SUCO: variants seen among roughly 807,000 people sequenced by gnomAD.
The protein encoded by SUCO is SUN domain-containing ossification factor.
Under a neutral mutation model 148.1 loss-of-function variants are expected in SUCO, and 57 were observed. The observed-to-expected ratio is 0.38, with a 90% CI of 0.31 to 0.48. The LOEUF (loss-of-function observed/expected upper bound fraction) is 0.48. Ranked by LOEUF, SUCO falls within the 20% of genes least tolerant of loss-of-function variation. The pLI, the probability that SUCO is intolerant of heterozygous loss-of-function variation, is 0.96. For synonymous variants in SUCO, 470 were observed against 502.7 expected (o/e 0.93, Z 0.87); for missense variants, 1,331 against 1,468.2 (o/e 0.91, Z 1.53).
At chr1:172,608,013 T>C (rs1466828674) in intron 22 of SUCO, 2 of 858,974 alleles carry the variant, frequency 2.3e-6, no homozygotes, top group East Asian at 1.2e-4. Context: ...TAAAGTCTCA[T>C]AGCCTTTTAA....
At chr1:172,569,909 A>C in intron 7 of SUCO, 138 bp from the exon 8 acceptor site, 2 of 815,202 alleles carry the variant, frequency 2.5e-6, no homozygotes, top group Non-Finnish European at 3.3e-6. Context: ...TGAATTTTTA[A>C]AATATTCTCT....
chr1:172,595,576 C>T (rs1005165270), intron 19 of SUCO, among the ~76,000 whole-genome samples: 1 of 152,176 alleles, frequency 6.6e-6, no homozygotes, highest in Non-Finnish European at 1.5e-5. Flanking sequence ...GTTGAAAATT[C>T]CTTTCTTTAA....
chr1:172,608,625 T>C, intron 22 of SUCO, 122 bp from the exon 23 acceptor site: 1 of 755,596 alleles, frequency 1.3e-6, no homozygotes, highest in Non-Finnish European at 2.3e-6. Flanking sequence ...ACAAATTCAT[T>C]GGTTCTATTA....
chr1:172,551,587 C>T lies in SUCO; in HGVS notation c.138C>T (p.Asn46=). 3 of 1,609,438 alleles carry T rather than the reference C, an allele frequency of 1.9e-6. No individual in the cohort carries two copies. The highest frequency in any genetic ancestry group is 2.2e-5 in the South Asian group (2 of 90,462). The part of the protein sequence containing the change: ...SASSYYSQDD[N]CALENEDVQF... ...CATCATATTACTCTCAAGATGACAA[C>T]TGCGCACTAGAAAATGAAGATGTAC... The change falls in exon 2 of 24, where the codon AAC becomes AAT. Residue 46 remains asparagine, a synonymous_variant. Coordinates refer to ENST00000263688, the MANE Select transcript of SUCO (RefSeq NM_014283.5).
At chr1:172,542,819 T>C (rs1483475713) in intron 1 of SUCO, 2 of 985,144 alleles carry the variant, frequency 2.0e-6, no homozygotes, top group Non-Finnish European at 2.4e-6. Flanking sequence ...AGGAGGAAAC[T>C]GGAAAGGATG....
chr1:172,568,305 T>TTCCCCCC, intron 6 of SUCO: 8 of 905,982 alleles, frequency 8.8e-6, no homozygotes, highest in Non-Finnish European at 1.1e-5. Flanking sequence ...ATTCTTTGCT[T>TTCCCCCC]CCCACCCACC....
At chr1:172,557,890 A>C in intron 6 of SUCO, 96 bp downstream of exon 6, 1 of 992,810 alleles carries the variant, frequency 1.0e-6, no homozygotes, top group Non-Finnish European at 1.4e-6. Flanking sequence ...ATTTGTCATA[A>C]AATCAGGGAG....
rs758073893 is a variant in SUCO, at chr1:172,589,314, C to T, written c.2213C>T (p.Thr738Ile). 1.9e-6 allele frequency: 3 copies of T among 1,613,224 alleles called. No homozygotes were observed. The highest frequency in any genetic ancestry group is 1.1e-5 in the South Asian group (1 of 90,986). The change falls in exon 18 of 24, where the codon ACC becomes ATC. Residue 738 changes from threonine (T) to isoleucine (I), a missense_variant. Transcript: ENST00000263688. ...TLSQSLLLDI[T>I]PEINPLPKIE... ...TCTCAGTCTCTTCTTTTAGATATTACCCCAGAAATCAATCCCTTGCCTAAA... is the reference window on the plus strand; with the variant it reads ...TCTCAGTCTCTTCTTTTAGATATTATCCCAGAAATCAATCCCTTGCCTAAA...
At chr1:172,600,637 A>G (rs1394688567) in intron 20 of SUCO, among the ~76,000 whole-genome samples, 1 of 152,172 alleles carries the variant, frequency 6.6e-6, no homozygotes, top group African/African-American at 2.4e-5. Flanking sequence ...GAATACATTT[A>G]GTAAATAAAT....
intron 1 of SUCO, among the ~76,000 whole-genome samples, chr1:172,545,901 C>T (rs756270284): frequency 4.6e-5 from 7 of 152,034 alleles, no homozygotes; most frequent in Non-Finnish European, 1.0e-4. Flanking sequence ...TCTGTCCGTC[C>T]GTCCGTCCTT....
rs1240401159 is a variant in SUCO at position 172,589,956 on chromosome 1, G to A, written c.2825+30G>A. 16 of 1,485,580 alleles carry A rather than the reference G, an allele frequency of 1.1e-5. No homozygotes were observed. In the South Asian group the frequency reaches 2.1e-4, roughly 20 times the overall value. The allele number at this position is 1,485,580 out of a possible 1,614,324, so 92.0% of individuals were successfully genotyped here. On this transcript the variant is annotated intron_variant, in intron 18 of 23. Transcript: ENST00000263688. The stretch of plus-strand genomic sequence containing the variant: ...GCTTTATTATGAATTAGCACAGTCA[G>A]CTTCACACAGTGAGTTAAGCAGCAT...
intron 22 of SUCO, among the ~76,000 whole-genome samples, chr1:172,605,078 A>C (rs2149272622): frequency 6.6e-6 from 1 of 151,950 alleles, no homozygotes; most frequent in South Asian, 2.1e-4. Flanking sequence ...TATGGATTAT[A>C]ACCCCCATTA....
At position 172,610,481 on chromosome 1, in the gene SUCO, AT is replaced by A; in HGVS notation, c.*226del. The A allele has an allele frequency of 1.9e-6, 1 of 533,096 alleles. No homozygotes were observed. The highest frequency in any genetic ancestry group is 2.9e-6 in the Non-Finnish European group (1 of 349,428). The allele number at this position is 533,096 out of a possible 1,614,324, so 33.0% of individuals were successfully genotyped here. On this transcript the variant is annotated 3_prime_UTR_variant, in exon 24 of 24. Transcript: ENST00000263688. Reference sequence around the variant, plus strand: ...ACTTCCTATAAGGACAATGGTAGACATTTTATAAAGATGTTTTTTCACAAGA... The same window carrying A: ...ACTTCCTATAAGGACAATGGTAGACATTTATAAAGATGTTTTTTCACAAGA...
At chr1:172,543,172 T>G (rs999489803) in intron 1 of SUCO, 1 of 227,482 alleles carries the variant, frequency 4.4e-6, no homozygotes, top group Non-Finnish European at 7.3e-6. Flanking sequence ...TTTCAAAGGC[T>G]CCTTGAAGGA....
chr1:172,576,362 A>C (rs1655442196), intron 11 of SUCO, among the ~76,000 whole-genome samples: 1 of 151,632 alleles, frequency 6.6e-6, no homozygotes, highest in Admixed American at 6.6e-5. Context: ...TAGCTACCTA[A>C]TTTTGTCTTC....
At chr1:172,593,748 T>C (rs933578772) in intron 19 of SUCO, among the ~76,000 whole-genome samples, 1 of 152,208 alleles carries the variant, frequency 6.6e-6, no homozygotes, top group African/African-American at 2.4e-5. Flanking sequence ...TGTTTTGTTG[T>C]GTCTCTGCCA....
At chr1:172,608,107 T>C in intron 22 of SUCO, 2 of 984,506 alleles carry the variant, frequency 2.0e-6, no homozygotes, top group South Asian at 9.4e-5. Flanking sequence ...TTAGAAACTT[T>C]GGGCTAAAAC....
At position 172,602,736 on chromosome 1, in the gene SUCO, A is replaced by G; in HGVS notation, c.3214A>G (p.Thr1072Ala). 6.2e-7 allele frequency: 1 copy of G among 1,613,206 alleles called. No individual in the cohort carries two copies. The highest frequency in any genetic ancestry group is 8.5e-7 in the Non-Finnish European group (1 of 1,179,702). Residue 1072 changes from threonine to alanine, a missense_variant, in exon 22 of 24, where the codon ACT becomes GCT. Thr to Ala is a moderately conservative substitution (Grantham distance 58, BLOSUM62 0). Transcript: ENST00000263688. ...SYDDMNLKRR[T>A]SFPLMRSKSL... Reference sequence around the variant, plus strand: ...TGATGATATGAATTTGAAAAGAAGAACTTCATTCCCACTCATGAGATCCAA... The same window carrying G: ...TGATGATATGAATTTGAAAAGAAGAGCTTCATTCCCACTCATGAGATCCAA...
chr1:172,608,028 G>A (rs930487545), intron 22 of SUCO: 1 of 946,950 alleles, frequency 1.1e-6, no homozygotes, highest in African/African-American at 1.8e-5. Flanking sequence ...TTTTAAAAAT[G>A]TGTGTCTATT....
Sources: gnomAD v4.1 joint callset for allele counts (sites outside exome capture counted in the v4.1 genomes callset) on GRCh38, gnomAD v4.1.1 for gene constraint, MANE v1.5 for transcripts, NCBI Gene and HGNC (gene_info 2026-07-23, HGNC 2026-07-21) for gene names.